The following PTPRD variants were observed in gnomAD, a reference collection of about 807,000 sequenced individuals.
The protein encoded by PTPRD is receptor-type tyrosine-protein phosphatase delta.
In PTPRD, 34 loss-of-function variants were observed where a neutral mutation model predicts 214.5. The ratio of observed to expected loss-of-function variants is 0.16; its 90% CI spans 0.12 to 0.21. The LOEUF (loss-of-function observed/expected upper bound fraction) is 0.21, where lower values mean the gene tolerates loss of function less well. Ranked by LOEUF, PTPRD falls within the 10% of genes least tolerant of loss-of-function variation. PTPRD has a pLI of 1.00. For missense variants in PTPRD, 2,545 were observed against 2,398.7 expected, an observed-to-expected ratio of 1.06 and a Z score of -1.27; for synonymous variants, 1,128 against 845.7, an observed-to-expected ratio of 1.33 and a Z score of -5.79.
intron 4 of PTPRD, among the ~76,000 whole-genome samples, chr9:9,961,427 T>G (rs2094356496): frequency 6.6e-6 from 1 of 152,180 alleles, no homozygotes; most frequent in African/African-American, 2.4e-5. Flanking sequence ...TATGGACCTT[T>G]TGTTTTGAAC....
chr9:9,635,837 C>T (rs901381544), intron 7 of PTPRD, among the ~76,000 whole-genome samples: 1 of 152,176 alleles, frequency 6.6e-6, no homozygotes, highest in Non-Finnish European at 1.5e-5. Context: ...CAATCTACTT[C>T]TCTACATTTT....
intron 3 of PTPRD, among the ~76,000 whole-genome samples, chr9:10,334,988 CT>C (rs1282426598): frequency 2.0e-5 from 3 of 151,670 alleles, no homozygotes; most frequent in African/African-American, 7.3e-5. Context: ...AACAAGAAGA[CT>C]CAATGTCAAC....
intron 12 of PTPRD, among the ~76,000 whole-genome samples, chr9:8,644,732 C>T (rs1210620228): frequency 6.6e-6 from 1 of 152,326 alleles, no homozygotes; most frequent in Non-Finnish European, 1.5e-5. Flanking sequence ...TACTAGCACC[C>T]GGAACCGCCC....
intron 9 of PTPRD, among the ~76,000 whole-genome samples, chr9:9,190,871 G>T (rs1229395798): frequency 1.3e-5 from 2 of 151,980 alleles, no homozygotes; most frequent in African/African-American, 4.8e-5. Flanking sequence ...CTAATTAATG[G>T]GATGAGACTT....
intron 11 of PTPRD, among the ~76,000 whole-genome samples, chr9:8,777,691 C>G (rs1215442056): frequency 1.3e-5 from 2 of 152,052 alleles, no homozygotes; most frequent in Admixed American, 6.5e-5. Context: ...GTATGAAGGT[C>G]AGTGATAAAA....
At chr9:8,769,261 A>G (rs1391250153) in intron 11 of PTPRD, among the ~76,000 whole-genome samples, 1 of 152,154 alleles carries the variant, frequency 6.6e-6, no homozygotes, top group Non-Finnish European at 1.5e-5. Flanking sequence ...TTCTTTATTT[A>G]CTCACTCACT....
chr9:10,238,909 T>C (rs2099637778), intron 3 of PTPRD, among the ~76,000 whole-genome samples: 1 of 151,924 alleles, frequency 6.6e-6, no homozygotes, highest in Admixed American at 6.6e-5. Context: ...AGGCAGTATG[T>C]TTTGTTTGTC....
chr9:8,534,229 C>T (rs1449579152), intron 14 of PTPRD, among the ~76,000 whole-genome samples: 1 of 151,924 alleles, frequency 6.6e-6, no homozygotes, highest in Admixed American at 6.6e-5. Context: ...TCCTACGTGT[C>T]AGAAGCATGA....
At chr9:9,122,412 G>A (rs1440104573) in intron 10 of PTPRD, among the ~76,000 whole-genome samples, 11 of 152,088 alleles carry the variant, frequency 7.2e-5, no homozygotes, top group African/African-American at 2.7e-4. Context: ...TGATAGAAAT[G>A]GATGAGTCAG....
chr9:9,896,539 G>GA (rs2153795439), intron 5 of PTPRD, among the ~76,000 whole-genome samples: 1 of 151,854 alleles, frequency 6.6e-6, no homozygotes, highest in African/African-American at 2.4e-5. Context: ...TAAAAGAAAG[G>GA]AAAAAATCTA....
chr9:10,560,242 G>C (rs2063575408), intron 2 of PTPRD, among the ~76,000 whole-genome samples: 1 of 152,104 alleles, frequency 6.6e-6, no homozygotes, highest in Admixed American at 6.6e-5. Context: ...AAAATGATGA[G>C]TTCATGTCCT....
At chr9:10,220,085 G>A (rs779484314) in intron 3 of PTPRD, among the ~76,000 whole-genome samples, 13 of 151,656 alleles carry the variant, frequency 8.6e-5, no homozygotes, top group East Asian at 1.9e-4. Context: ...ACCTATTAAC[G>A]TGTTTATCTT....
intron 8 of PTPRD, among the ~76,000 whole-genome samples, chr9:9,560,473 G>A (rs1160798974): frequency 2.6e-5 from 4 of 152,166 alleles, no homozygotes; most frequent in African/African-American, 7.2e-5. Context: ...GTGCTTCAGC[G>A]CCTCCTCCAC....
intron 27 of PTPRD, 57 bp downstream of exon 27, chr9:8,492,805 A>G: frequency 1.6e-6 from 2 of 1,270,512 alleles, no homozygotes; most frequent in Non-Finnish European, 1.1e-6. Flanking sequence ...AGCTACCTAT[A>G]CCATTTAAAA....
chr9:9,014,227 T>C (rs1221714363), intron 11 of PTPRD, among the ~76,000 whole-genome samples: 1 of 151,324 alleles, frequency 6.6e-6, no homozygotes, highest in Non-Finnish European at 1.5e-5. Context: ...GAAGCATTTA[T>C]TTGAGTTTCA....
At chr9:9,177,361 G>A (rs1005802893) in intron 10 of PTPRD, among the ~76,000 whole-genome samples, 5 of 152,084 alleles carry the variant, frequency 3.3e-5, no homozygotes, top group African/African-American at 1.2e-4. Flanking sequence ...AATTCCAGAT[G>A]AGATTTGGGT....
chr9:10,424,118 C>T (rs557480121), intron 2 of PTPRD, among the ~76,000 whole-genome samples: 33 of 151,874 alleles, frequency 2.2e-4, no homozygotes, highest in Admixed American at 6.6e-4. Flanking sequence ...CAGTTCAAAA[C>T]GAAGAATTGG....
intron 14 of PTPRD, among the ~76,000 whole-genome samples, chr9:8,600,791 G>C (rs1039055213): frequency 2.0e-5 from 3 of 151,996 alleles, no homozygotes; most frequent in African/African-American, 7.2e-5. Context: ...CCTTGGGTAA[G>C]TCTCAAACAC....
At chr9:10,263,740 G>A (rs928753115) in intron 3 of PTPRD, among the ~76,000 whole-genome samples, 6 of 152,160 alleles carry the variant, frequency 3.9e-5, no homozygotes, top group Non-Finnish European at 7.3e-5. Context: ...TGCAGAATTT[G>A]CATAAATAAC....
Sources: allele counts gnomAD v4.1 joint callset (sites outside exome capture counted in the v4.1 genomes callset), GRCh38; gene constraint gnomAD v4.1.1; transcripts MANE v1.5; gene names NCBI Gene and HGNC (gene_info 2026-07-23, HGNC 2026-07-21).